The following ROM1 variants were observed in gnomAD, a reference collection of about 807,000 sequenced individuals.
ROM1 encodes the protein rod outer segment membrane protein 1.
In ROM1, 17 loss-of-function variants were observed where a neutral mutation model predicts 23.0. The observed-to-expected ratio is 0.74, with a 90% CI of 0.51 to 1.11. The LOEUF (loss-of-function observed/expected upper bound fraction) is 1.11, where lower values mean the gene tolerates loss of function less well. ROM1 is among the 50% of genes least tolerant of loss of function. The probability of loss-of-function intolerance (pLI) is 0.00; values close to 1 mark genes in which losing one functional copy is unlikely to be tolerated. For missense variants in ROM1, 436 were observed against 439.7 expected, an observed-to-expected ratio of 0.99 and a Z score of 0.08; for synonymous variants, 200 against 206.5, an observed-to-expected ratio of 0.97 and a Z score of 0.27.
chr11:62,613,397 G>A lies in ROM1; in HGVS notation c.116G>A (p.Ser39Asn). ...GCTGGTGGCGTCATCCTCCTCTGTAGTGGGCACCTCCTGGTCCAGCTAAGG... is the reference window on the plus strand; with the variant it reads ...GCTGGTGGCGTCATCCTCCTCTGTAATGGGCACCTCCTGGTCCAGCTAAGG... ...ALAGGVILLCSGHLLVQLRHL... is the reference protein window; with the variant it reads ...ALAGGVILLCNGHLLVQLRHL... Residue 39 changes from serine to asparagine, a missense_variant, in exon 1 of 3, where the codon AGT becomes AAT. Coordinates refer to ENST00000278833, the MANE Select transcript of ROM1 (RefSeq NM_000327.4). 1.2e-6 allele frequency: 2 copies of A among 1,613,550 alleles called. No individual in the cohort carries two copies. The highest frequency in any genetic ancestry group is 1.7e-6 in the Non-Finnish European group (2 of 1,179,754).
At position 62,614,773 on chromosome 11, in the gene ROM1, C is replaced by T. The variant is rs1833470273; in HGVS notation, c.990C>T (p.Cys330=). 3.1e-6 allele frequency: 5 copies of T among 1,614,200 alleles called. No homozygotes were observed. In the South Asian group the frequency reaches 4.4e-5, roughly 14 times the overall value. ...KTAWLQGGVA[C]RPAPEEAPPG... ...CATGGCTACAGGGAGGGGTTGCCTG[C>T]AGGCCAGCACCTGAGGAGGCCCCAC... Residue 330 remains cysteine (C), a synonymous_variant, in exon 3 of 3, where the codon TGC becomes TGT. Coordinates refer to ENST00000278833, the MANE Select transcript of ROM1 (RefSeq NM_000327.4).
At position 62,613,623 on chromosome 11, in the gene ROM1, C is replaced by T. The variant is rs537377404; in HGVS notation, c.342C>T (p.Leu114=). The T allele has an allele frequency of 3.3e-4, 536 of 1,612,962 alleles. No individual in the cohort carries two copies. The highest frequency in any genetic ancestry group is 1.6e-4 in the Non-Finnish European group (188 of 1,179,560). Residue 114 remains leucine, a synonymous_variant, in exon 1 of 3, where the codon CTC becomes CTT. Transcript: ENST00000278833. The stretch of plus-strand genomic sequence containing the variant: ...CTGGCACGGCTGGTGGGGGGGGGCT[C>T]CTGGTCGTCGGCCTCGGGCTAGCCC... ...LVAGTAGGGG[L]LVVGLGLALA...
rs1942992363 is a variant in ROM1, at chr11:62,614,888, A to G, written c.*49A>G. ...AGAGGGAGGGATGGACAAGTCTGAA[A>G]ACCTCACAACTCCTTACCAAGGCTC... On this transcript the variant is annotated 3_prime_UTR_variant, in exon 3 of 3. Transcript: ENST00000278833. 2 of 1,461,352 alleles carry G rather than the reference A, an allele frequency of 1.4e-6. No homozygotes were observed. The highest frequency in any genetic ancestry group is 1.9e-6 in the Non-Finnish European group (2 of 1,046,084). 90.5% of individuals were successfully genotyped at this position (1,461,352 alleles called of 1,614,324 possible). A position where few individuals can be genotyped will look rare whatever the true frequency, so the allele number is the denominator to read the frequency against.
chr11:62,614,922 G>A lies in ROM1; in HGVS notation c.*83G>A, dbSNP rs886903981. ...ACTCCTTACCAAGGCTCCAGGTTGG[G>A]GGGATCGTAGGATTAGAGGGGCTAA... is the stretch of plus-strand genomic sequence containing the variant. On this transcript the variant is annotated 3_prime_UTR_variant, in exon 3 of 3. Transcript: ENST00000278833. 3 of 1,184,046 alleles carry A rather than the reference G, an allele frequency of 2.5e-6. No homozygotes were observed. The East Asian group carries it at 7.3e-5, about 29-fold the overall frequency. 73.3% of individuals were successfully genotyped at this position (1,184,046 alleles called of 1,614,324 possible).
rs1942980300 is a variant in ROM1, at chr11:62,614,479, TGCTG to T, written c.817_820del (p.Ala273SerfsTer42). On this transcript the variant is annotated frameshift_variant, in exon 2 of 3. Transcript: ENST00000278833. LOFTEE classifies it high-confidence loss of function. ...GACTTGGCAGGCACACTGGGTAGCA[TGCTG>T]GCTGTCACCTTCCTACTGCAGGTGA... 1.9e-6 allele frequency: 3 copies of T among 1,614,162 alleles called. No individual in the cohort carries two copies. Among genetic ancestry groups the T allele is most frequent in the Non-Finnish European group, 2.5e-6 (3 of 1,180,028 alleles).
chr11:62,613,613 G>C lies in ROM1; in HGVS notation c.332G>C (p.Gly111Ala). 1 of 1,612,102 alleles carries C rather than the reference G, an allele frequency of 6.2e-7. No homozygotes were observed. The highest frequency in any genetic ancestry group is 8.5e-7 in the Non-Finnish European group (1 of 1,179,342). Residue 111 changes from glycine (G) to alanine (A), a missense_variant, in exon 1 of 3, where the codon GGG (glycine) becomes GCG (alanine). Physicochemically the swap from Gly to Ala is moderately conservative, Grantham distance 60. Transcript: ENST00000278833. Reference sequence around the variant, plus strand: ...CTGCTGGTGGCTGGCACGGCTGGTGGGGGGGGGCTCCTGGTCGTCGGCCTC... The same window carrying C: ...CTGCTGGTGGCTGGCACGGCTGGTGCGGGGGGGCTCCTGGTCGTCGGCCTC... Reference protein sequence around the residue: ...GPLLVAGTAGGGGLLVVGLGL... With the variant: ...GPLLVAGTAGAGGLLVVGLGL...
chr11:62,614,915 A>C lies in ROM1; in HGVS notation c.*76A>C. 7.9e-7 allele frequency: 1 copy of C among 1,262,284 alleles called. No individual in the cohort carries two copies. Among genetic ancestry groups the C allele is most frequent in the Non-Finnish European group, 1.1e-6 (1 of 876,270 alleles). The allele number at this position is 1,262,284 out of a possible 1,614,324, so 78.2% of individuals were successfully genotyped here. On this transcript the variant is annotated 3_prime_UTR_variant, in exon 3 of 3. Coordinates refer to ENST00000278833, the MANE Select transcript of ROM1 (RefSeq NM_000327.4). Reference sequence around the variant, plus strand: ...CCTCACAACTCCTTACCAAGGCTCCAGGTTGGGGGGATCGTAGGATTAGAG... The same window carrying C: ...CCTCACAACTCCTTACCAAGGCTCCCGGTTGGGGGGATCGTAGGATTAGAG...
In ROM1 at chr11:62,614,675, G is replaced by A; in HGVS notation, c.892G>A (p.Gly298Arg). 3 of 1,614,246 alleles carry A rather than the reference G, an allele frequency of 1.9e-6. No homozygotes were observed. Among genetic ancestry groups the A allele is most frequent in the Non-Finnish European group, 2.5e-6 (3 of 1,180,038 alleles). ...GCAAACAGCACTGGAGGGGCTTGGAGGGGTCATTGATGCGGGAGGAGAGAC... is the reference window on the plus strand; with the variant it reads ...GCAAACAGCACTGGAGGGGCTTGGAAGGGTCATTGATGCGGGAGGAGAGAC... ...YLQTALEGLGGVIDAGGETQG... is the reference protein window; with the variant it reads ...YLQTALEGLGRVIDAGGETQG... The change falls in exon 3 of 3, where the codon GGG (glycine) becomes AGG (arginine). Residue 298 changes from glycine (G) to arginine (R), a missense_variant. Gly to Arg is a moderately radical substitution (Grantham distance 125, BLOSUM62 -2). Coordinates refer to ENST00000278833, the MANE Select transcript of ROM1 (RefSeq NM_000327.4).
chr11:62,614,139 G>A (rs1942969575), intron 1 of ROM1, 119 bp from the exon 2 acceptor site: 2 of 1,311,700 alleles, frequency 1.5e-6, no homozygotes, highest in Middle Eastern at 1.8e-4. Context: ...CTGGCACATA[G>A]TACAGCAGTC....
Position 62,614,260 on chromosome 11 carries a change from G to A in ROM1, c.593G>A (p.Arg198Gln), listed in dbSNP as rs141629524. The change falls in exon 2 of 3, where the codon CGG (arginine) becomes CAG (glutamine). Residue 198 changes from arginine to glutamine, a missense_variant and splice_region_variant. Transcript: ENST00000278833. The part of the protein sequence containing the change: ...LDPGDRDVAD[R>Q]IQSNVEGLYL... ...CCCCTCTGTCCCTCCCTTTGCAGCCGGATCCAGAGCAATGTAGAAGGCCTA... is the reference window on the plus strand; with the variant it reads ...CCCCTCTGTCCCTCCCTTTGCAGCCAGATCCAGAGCAATGTAGAAGGCCTA... 1.3e-4 allele frequency: 213 copies of A among 1,613,956 alleles called. 4 individuals are homozygous for A. The South Asian group carries it at 1.8e-3, about 14-fold the overall frequency.
rs910890946 is a variant in ROM1 at position 62,613,765 on chromosome 11, C to G, written c.484C>G (p.Leu162Val). 1 of 1,614,204 alleles carries G rather than the reference C, an allele frequency of 6.2e-7. No homozygotes were observed. The highest frequency in any genetic ancestry group is 1.3e-5 in the African/African-American group (1 of 75,048). ...HCQAKRLVDE[L>V]QLRYHCCGRH... ...TCAGGCCAAAAGGCTGGTGGATGAG[C>G]TGCAACTGAGGTACCACTGCTGCGG... Residue 162 changes from leucine (L) to valine (V), a missense_variant, in exon 1 of 3, where the codon CTG becomes GTG. Physicochemically the swap from Leu to Val is conservative, Grantham distance 32. Coordinates refer to ENST00000278833, the MANE Select transcript of ROM1 (RefSeq NM_000327.4).
At chr11:62,614,059 C>T (rs1189537805) in intron 1 of ROM1, among the ~76,000 whole-genome samples, 188 bp downstream of exon 1, 1 of 152,046 alleles carries the variant, frequency 6.6e-6, no homozygotes, top group Non-Finnish European at 1.5e-5. Context: ...GGGCCCATTC[C>T]TTCACCTGTA....
Position 62,613,409 on chromosome 11 carries a change from T to TG in ROM1, c.130dup (p.Val44GlyfsTer88). 1 of 1,613,430 alleles carries TG rather than the reference T, an allele frequency of 6.2e-7. No individual in the cohort carries two copies. On this transcript the variant is annotated frameshift_variant, in exon 1 of 3. Transcript: ENST00000278833. LOFTEE classifies it high-confidence loss of function. ...ATCCTCCTCTGTAGTGGGCACCTCCTGGTCCAGCTAAGGCACCTTGGCACC... is the reference window on the plus strand; with the variant it reads ...ATCCTCCTCTGTAGTGGGCACCTCCTGGGTCCAGCTAAGGCACCTTGGCACC...
chr11:62,614,810 C>A lies in ROM1; in HGVS notation c.1027C>A (p.Pro343Thr), dbSNP rs749612573. The A allele has an allele frequency of 1.9e-6, 3 of 1,613,934 alleles. No homozygotes were observed. The highest frequency in any genetic ancestry group is 2.5e-6 in the Non-Finnish European group (3 of 1,179,988). The change falls in exon 3 of 3, where the codon CCT becomes ACT. Residue 343 changes from proline to threonine, a missense_variant. By Grantham distance (38) the Pro-to-Thr change is conservative. Transcript: ENST00000278833. ...APEEAPPGEAPPKEDLSEA is the reference protein window; with the variant it reads ...APEEAPPGEATPKEDLSEA ...TGAGGAGGCCCCACCAGGAGAAGCA[C>A]CTCCCAAGGAGGATCTATCTGAGGC...
At position 62,613,303 on chromosome 11, in the gene ROM1, G is replaced by A. The variant is rs1292253627; in HGVS notation, c.22G>A (p.Val8Met). 6.2e-7 allele frequency: 1 copy of A among 1,609,158 alleles called. No homozygotes were observed. The highest frequency in any genetic ancestry group is 1.3e-5 in the African/African-American group (1 of 74,984). Reference sequence around the variant, plus strand: ...GGAGATGGCGCCGGTGTTGCCCCTGGTGCTGCCCCTGCAGCCCCGCATCCG... The same window carrying A: ...GGAGATGGCGCCGGTGTTGCCCCTGATGCTGCCCCTGCAGCCCCGCATCCG... Reference protein sequence around the residue: MAPVLPLVLPLQPRIRLA... With the variant: MAPVLPLMLPLQPRIRLA... Residue 8 changes from valine to methionine, a missense_variant, in exon 1 of 3, where the codon GTG (valine) becomes ATG (methionine). By Grantham distance (21) the Val-to-Met change is conservative. Coordinates refer to ENST00000278833, the MANE Select transcript of ROM1 (RefSeq NM_000327.4).
rs1374232494 is a variant in ROM1 at position 62,614,608 on chromosome 11, G to T, written c.838-13G>T. 21 of 1,614,090 alleles carry T rather than the reference G, an allele frequency of 1.3e-5. No homozygotes were observed. Among genetic ancestry groups the T allele is most frequent in the Non-Finnish European group, 1.6e-5 (19 of 1,180,036 alleles). On this transcript the variant is annotated splice_polypyrimidine_tract_variant and intron_variant, in intron 2 of 2. Coordinates refer to ENST00000278833, the MANE Select transcript of ROM1 (RefSeq NM_000327.4). Reference sequence around the variant, plus strand: ...TGACTCTCCCTGACTCTTTCCCCTTGCTTCCCCCACAGGCTCTGGTGCTCC... The same window carrying T: ...TGACTCTCCCTGACTCTTTCCCCTTTCTTCCCCCACAGGCTCTGGTGCTCC...
At position 62,614,296 on chromosome 11, in the gene ROM1, A is replaced by T. The variant is rs200287184; in HGVS notation, c.629A>T (p.Asp210Val). ...QSNVEGLYLT[D>V]GVPFSCCNPH... ...AATGTAGAAGGCCTATACCTGACTG[A>T]TGGGGTCCCTTTCTCCTGTTGCAAC... The change falls in exon 2 of 3, where the codon GAT (aspartate) becomes GTT (valine). Residue 210 changes from aspartate (D) to valine (V), a missense_variant. Physicochemically the swap from Asp to Val is radical, Grantham distance 152. Transcript: ENST00000278833. 311 of 1,613,844 alleles carry T rather than the reference A, an allele frequency of 1.9e-4. No homozygotes were observed. Among genetic ancestry groups the T allele is most frequent in the Non-Finnish European group, 2.5e-4 (293 of 1,180,002 alleles).
Position 62,614,838 on chromosome 11 carries a change from A to G in ROM1, c.1055A>G (p.Ter352TrpextTer31). 1 of 1,611,968 alleles carries G rather than the reference A, an allele frequency of 6.2e-7. No homozygotes were observed. The highest frequency in any genetic ancestry group is 8.5e-7 in the Non-Finnish European group (1 of 1,178,382). ...APPKEDLSEA[*>W] ...CCCAAGGAGGATCTATCTGAGGCCTAGAGGCCTGGAGCTTGGGGTGAGGAA... is the reference window on the plus strand; with the variant it reads ...CCCAAGGAGGATCTATCTGAGGCCTGGAGGCCTGGAGCTTGGGGTGAGGAA... Residue 352 changes from the stop codon to tryptophan (W), a stop_lost, in exon 3 of 3, where the codon TAG becomes TGG. Transcript: ENST00000278833.
chr11:62,614,954 T>A lies in ROM1; in HGVS notation c.*115T>A. 1.1e-6 allele frequency: 1 copy of A among 869,644 alleles called. No individual in the cohort carries two copies. Among genetic ancestry groups the A allele is most frequent in the African/African-American group, 1.7e-5 (1 of 59,760 alleles). 53.9% of individuals were successfully genotyped at this position (869,644 alleles called of 1,614,324 possible). ...GTAGGATTAGAGGGGCTAAGGATAG[T>A]CAGCGAGCTGGACTGGGGTAAGAAA... On this transcript the variant is annotated 3_prime_UTR_variant, in exon 3 of 3. Transcript: ENST00000278833.
Sources: gnomAD v4.1 joint callset for allele counts (sites outside exome capture counted in the v4.1 genomes callset) on GRCh38, gnomAD v4.1.1 for gene constraint, MANE v1.5 for transcripts, NCBI Gene and HGNC (gene_info 2026-07-23, HGNC 2026-07-21) for gene names.